Variants in SOBP observed in about 807,000 individuals in gnomAD.
SOBP encodes the protein sine oculis-binding protein homolog.
A neutral mutation model predicts 53.6 loss-of-function variants in SOBP; 4 were observed. That is an observed-to-expected ratio of 0.07 (90% CI 0.04 to 0.17). SOBP has a LOEUF of 0.17. Among genes scored for constraint, SOBP ranks in the 10% least tolerant of loss-of-function variants. SOBP has a pLI of 1.00. For synonymous variants in SOBP, 584 were observed against 522.6 expected (o/e 1.12, Z -1.60); for missense variants, 1,088 against 1,204.7 (o/e 0.90, Z 1.43).
intron 3 of SOBP, among the ~76,000 whole-genome samples, chr6:107,528,271 C>T (rs1383467903): frequency 1.3e-5 from 2 of 152,084 alleles, no homozygotes; most frequent in Non-Finnish European, 2.9e-5. Flanking sequence ...TAGTGAGCAG[C>T]TGAAGGATAA....
intron 4 of SOBP, among the ~76,000 whole-genome samples, chr6:107,572,528 T>C (rs2115039803): frequency 6.6e-6 from 1 of 152,312 alleles, no homozygotes; most frequent in African/African-American, 2.4e-5. Flanking sequence ...GTTCTCAAAC[T>C]CCTGAGCTCA....
intron 3 of SOBP, among the ~76,000 whole-genome samples, chr6:107,509,309 G>A (rs1285820786): frequency 6.6e-6 from 1 of 151,566 alleles, no homozygotes; most frequent in South Asian, 2.1e-4. Flanking sequence ...CAGGAGAATC[G>A]CTTGAACCTG....
chr6:107,551,273 A>G (rs1027937295), intron 4 of SOBP, among the ~76,000 whole-genome samples: 5 of 152,212 alleles, frequency 3.3e-5, no homozygotes, highest in African/African-American at 1.2e-4. Flanking sequence ...CTGAAGAGCA[A>G]TAGAAACTGG....
intron 1 of SOBP, among the ~76,000 whole-genome samples, chr6:107,499,827 C>T (rs565594748): frequency 4.6e-5 from 7 of 152,236 alleles, no homozygotes; most frequent in Admixed American, 2.6e-4. Context: ...AACCTGCCTT[C>T]GTTCAGTGGC....
intron 4 of SOBP, among the ~76,000 whole-genome samples, chr6:107,571,136 G>A (rs1785062396): frequency 6.6e-6 from 1 of 152,224 alleles, no homozygotes. Flanking sequence ...TCTGGTAGAA[G>A]ATGATGTATG....
intron 4 of SOBP, among the ~76,000 whole-genome samples, chr6:107,574,351 A>G (rs1237186665): frequency 6.6e-6 from 1 of 152,184 alleles, no homozygotes; most frequent in African/African-American, 2.4e-5. Flanking sequence ...ACAGCTTTCT[A>G]TTCTGTGATT....
chr6:107,609,173 T>C (rs1438026783), intron 5 of SOBP, among the ~76,000 whole-genome samples: 4 of 152,256 alleles, frequency 2.6e-5, no homozygotes, highest in African/African-American at 9.6e-5. Flanking sequence ...TGTACTTATT[T>C]GTAAATTGTA....
At chr6:107,515,518 G>A (rs1385358632) in intron 3 of SOBP, among the ~76,000 whole-genome samples, 1 of 152,314 alleles carries the variant, frequency 6.6e-6, no homozygotes, top group Non-Finnish European at 1.5e-5. Context: ...GGAGGCCGAG[G>A]TGGAGGGATC....
At chr6:107,523,781 C>A (rs1392986807) in intron 3 of SOBP, among the ~76,000 whole-genome samples, 1 of 152,236 alleles carries the variant, frequency 6.6e-6, no homozygotes, top group Non-Finnish European at 1.5e-5. Context: ...CTCCTATGAT[C>A]CTTCATGGTG....
intron 3 of SOBP, among the ~76,000 whole-genome samples, chr6:107,518,645 A>C (rs1783391729): frequency 6.6e-6 from 1 of 152,180 alleles, no homozygotes; most frequent in African/African-American, 2.4e-5. Flanking sequence ...GCAATCATTA[A>C]CATACACTTG....
chr6:107,571,273 A>T (rs1785066245), intron 4 of SOBP, among the ~76,000 whole-genome samples: 1 of 152,184 alleles, frequency 6.6e-6, no homozygotes, highest in Non-Finnish European at 1.5e-5. Flanking sequence ...GTTCTGGAAG[A>T]GTCAAGGAAA....
At chr6:107,637,953 A>G (rs1485580952) in intron 6 of SOBP, among the ~76,000 whole-genome samples, 1 of 152,226 alleles carries the variant, frequency 6.6e-6, no homozygotes, top group Non-Finnish European at 1.5e-5. Flanking sequence ...TTGAGATTGA[A>G]GAGTTCTTTC....
chr6:107,596,019 TACCAGGAACTGAGA>T (rs1274840681), intron 5 of SOBP, among the ~76,000 whole-genome samples: 1 of 152,212 alleles, frequency 6.6e-6, no homozygotes, highest in Non-Finnish European at 1.5e-5. Context: ...AGCTACATGC[TACCAGGAACTGAGA>T]CTTTTGCCAG....
intron 4 of SOBP, among the ~76,000 whole-genome samples, chr6:107,569,819 C>T (rs918821780): frequency 5.3e-5 from 8 of 152,178 alleles, no homozygotes; most frequent in African/African-American, 1.2e-4. Flanking sequence ...ATGCCCTGTG[C>T]GTAATGCAGC....
chr6:107,589,845 G>T (rs1459644083), intron 5 of SOBP, among the ~76,000 whole-genome samples: 1 of 152,156 alleles, frequency 6.6e-6, no homozygotes, highest in Non-Finnish European at 1.5e-5. Context: ...GCAGGCATGC[G>T]CACACACGTG....
rs146919111 is a variant in SOBP, at chr6:107,640,966, A to G, written c.*3+5497A>G. Among the ~76,000 whole-genome samples the G allele has an allele frequency of 4.6e-5, 7 of 152,344 alleles. No individual in the cohort carries two copies. In the East Asian group the frequency reaches 9.7e-4, roughly 21 times the overall value. On this transcript the variant is annotated intron_variant, in intron 6 of 6. Transcript: ENST00000317357. ...CCTGGCCCCCTGGACTCGTCCCTGGATGGCCTTCAGCAACTCCCCCTGAAA... is the reference window on the plus strand; with the variant it reads ...CCTGGCCCCCTGGACTCGTCCCTGGGTGGCCTTCAGCAACTCCCCCTGAAA...
chr6:107,579,187 G>C (rs1485639059), intron 4 of SOBP, among the ~76,000 whole-genome samples: 1 of 152,178 alleles, frequency 6.6e-6, no homozygotes, highest in Non-Finnish European at 1.5e-5. Flanking sequence ...AGTGGGGGAA[G>C]GGAAAGGAGC....
chr6:107,624,850 C>G (rs1770387490), intron 5 of SOBP, among the ~76,000 whole-genome samples: 1 of 152,158 alleles, frequency 6.6e-6, no homozygotes, highest in Non-Finnish European at 1.5e-5. Flanking sequence ...CCTTAGAGTT[C>G]TAAATGTCAG....
intron 4 of SOBP, among the ~76,000 whole-genome samples, chr6:107,540,453 G>A (rs1784118546): frequency 6.6e-6 from 1 of 152,198 alleles, no homozygotes; most frequent in Non-Finnish European, 1.5e-5. Context: ...ACTGAGAATG[G>A]GAAATTCCCT....
Sources: allele counts gnomAD v4.1 joint callset (sites outside exome capture counted in the v4.1 genomes callset), GRCh38; gene constraint gnomAD v4.1.1; transcripts MANE v1.5; gene names NCBI Gene and HGNC (gene_info 2026-07-23, HGNC 2026-07-21).